Variants in ZDHHC2 observed in about 807,000 individuals in gnomAD.
ZDHHC2 encodes the protein zDHHC palmitoyltransferase 2, also known as palmitoyltransferase ZDHHC2.
ZDHHC2 carries 51 observed loss-of-function variants against 55.6 expected under a neutral mutation model. The observed-to-expected ratio is 0.92, with a 90% CI of 0.73 to 1.16. The LOEUF (loss-of-function observed/expected upper bound fraction) is 1.16. Ranked by LOEUF, ZDHHC2 falls within the 50% of genes most tolerant of loss-of-function variation. The pLI, the probability that ZDHHC2 is intolerant of heterozygous loss-of-function variation, is 0.00. For missense variants in ZDHHC2, 491 were observed against 442.4 expected, an observed-to-expected ratio of 1.11 and a Z score of -0.99; for synonymous variants, 199 against 152.9, an observed-to-expected ratio of 1.30 and a Z score of -2.22.
chr8:17,170,138 G>C (rs1244276654), intron 1 of ZDHHC2, among the ~76,000 whole-genome samples: 1 of 152,154 alleles, frequency 6.6e-6, no homozygotes, highest in Non-Finnish European at 1.5e-5. Flanking sequence ...AGAAGAGAAA[G>C]GCATTGTATA....
chr8:17,193,386 C>G (rs964639770), intron 3 of ZDHHC2, among the ~76,000 whole-genome samples: 1 of 152,236 alleles, frequency 6.6e-6, no homozygotes, highest in African/African-American at 2.4e-5. Context: ...TCTAAACAAA[C>G]AGAGCCTCTC....
At chr8:17,161,506 G>A (rs1250385450) in intron 1 of ZDHHC2, among the ~76,000 whole-genome samples, 2 of 152,194 alleles carry the variant, frequency 1.3e-5, no homozygotes, top group Non-Finnish European at 2.9e-5. Flanking sequence ...TGGAATGTAA[G>A]GCACATCCAT....
chr8:17,204,651 C>A (rs778896494), intron 6 of ZDHHC2, among the ~76,000 whole-genome samples: 4 of 151,882 alleles, frequency 2.6e-5, no homozygotes, highest in Admixed American at 6.6e-5. Flanking sequence ...CACACTGGGG[C>A]CTTTTGGAGG....
rs1807991295 is a variant in ZDHHC2 at position 17,223,180 on chromosome 8, T to C, written c.*2959T>C. 1 of 151,914 alleles carries C rather than the reference T, an allele frequency of 6.6e-6. No homozygotes were observed. Among genetic ancestry groups the C allele is most frequent in the Admixed American group, 6.6e-5 (1 of 15,230 alleles). 9.4% of individuals were successfully genotyped at this position (151,914 alleles called of 1,614,324 possible). A position where few individuals can be genotyped will look rare whatever the true frequency, so the allele number is the denominator to read the frequency against. ...TAAACGGGCTCGGCTGATTCTGAAA[T>C]TGTACTGTATCATTTGGTATTTACT... is the stretch of plus-strand genomic sequence containing the variant. On this transcript the variant is annotated 3_prime_UTR_variant, in exon 13 of 13. Transcript: ENST00000262096.
intron 6 of ZDHHC2, among the ~76,000 whole-genome samples, chr8:17,200,105 G>C (rs1806670847): frequency 6.6e-6 from 1 of 152,174 alleles, no homozygotes; most frequent in Non-Finnish European, 1.5e-5. Flanking sequence ...CCCTGCAGCT[G>C]CTGTCAGTGC....
At chr8:17,207,035 T>C (rs936672724) in intron 7 of ZDHHC2, among the ~76,000 whole-genome samples, 4 of 152,172 alleles carry the variant, frequency 2.6e-5, no homozygotes, top group African/African-American at 9.7e-5. Context: ...ACCTCACTGC[T>C]CCTCCTTCCT....
chr8:17,218,624 T>G (rs181619239), intron 12 of ZDHHC2, among the ~76,000 whole-genome samples: 4 of 152,248 alleles, frequency 2.6e-5, no homozygotes. Flanking sequence ...GATGGATAAG[T>G]GACAAAATTA....
At chr8:17,157,575 TG>T (rs1804125484) in intron 1 of ZDHHC2, 1 of 152,134 alleles carries the variant, frequency 6.6e-6, no homozygotes, top group Non-Finnish European at 1.5e-5. Flanking sequence ...CCTGAATTGG[TG>T]GGTAGGATAC....
intron 6 of ZDHHC2, among the ~76,000 whole-genome samples, chr8:17,199,629 C>CTTCTTCTTCCTTTA (rs1476684972): frequency 4.5e-5 from 2 of 44,902 alleles, no homozygotes. Flanking sequence ...TTCTTCCTTT[C>CTTCTTCTTCCTTTA]TTCTTCTTCT....
At chr8:17,174,751 C>G (rs1413889445) in intron 1 of ZDHHC2, among the ~76,000 whole-genome samples, 1 of 142,648 alleles carries the variant, frequency 7.0e-6, no homozygotes, top group East Asian at 2.1e-4. Context: ...GGCTTTGTTG[C>G]CCAGGCTGGA....
rs536069370 is a variant in ZDHHC2, at chr8:17,176,698, G to A, written c.131-8091G>A. On this transcript the variant is annotated intron_variant, in intron 1 of 12. Coordinates refer to ENST00000262096, the MANE Select transcript of ZDHHC2 (RefSeq NM_016353.5). The stretch of plus-strand genomic sequence containing the variant: ...CAATGTTAGCTTGGTTAAGACACAA[G>A]AAAGCCCAGAGTGACAGAAGCATCA... 3.9e-5 allele frequency among the ~76,000 whole-genome samples: 6 copies of A among 152,196 alleles called. 1 individual carries two copies. The highest frequency in any genetic ancestry group is 3.9e-4 in the Admixed American group (6 of 15,286).
intron 12 of ZDHHC2, among the ~76,000 whole-genome samples, chr8:17,219,696 C>T (rs1375548415): frequency 1.3e-5 from 2 of 152,090 alleles, no homozygotes; most frequent in Non-Finnish European, 2.9e-5. Context: ...ATGACTTGAG[C>T]CAGGGAGGCG....
At chr8:17,198,290 T>G (rs1361980711) in intron 5 of ZDHHC2, 91 bp from the exon 6 acceptor site, 1 of 1,221,070 alleles carries the variant, frequency 8.2e-7, no homozygotes, top group Non-Finnish European at 1.1e-6. Flanking sequence ...TTGCCGCAGC[T>G]GTTTGAACTA....
In ZDHHC2 at chr8:17,215,258, T is replaced by A. The variant is rs375781244; in HGVS notation, c.972T>A (p.Pro324=). The A allele has an allele frequency of 8.1e-6, 13 of 1,600,100 alleles. No individual in the cohort carries two copies. Among genetic ancestry groups the A allele is most frequent in the Non-Finnish European group, 1.0e-5 (12 of 1,173,056 alleles). ...TCAGTCTCGAAAACCATCAGTTTCC[T>A]GCAAAGCCATTGAGAGAGTCCCAGA... is the stretch of plus-strand genomic sequence containing the variant. ...TAKNLENHQF[P]AKPLRESQSH... Residue 324 remains proline (P), a synonymous_variant, in exon 11 of 13, where the codon CCT becomes CCA. Transcript: ENST00000262096.
At chr8:17,172,994 G>A (rs1804939768) in intron 1 of ZDHHC2, among the ~76,000 whole-genome samples, 1 of 152,206 alleles carries the variant, frequency 6.6e-6, no homozygotes, top group Non-Finnish European at 1.5e-5. Flanking sequence ...AATTATGTTT[G>A]CAGAGGTTTT....
chr8:17,185,502 A>G (rs1164250557), intron 2 of ZDHHC2, among the ~76,000 whole-genome samples: 1 of 151,944 alleles, frequency 6.6e-6, no homozygotes, highest in African/African-American at 2.4e-5. Context: ...ACTTAAAAAA[A>G]AAAAGAAAAA....
At chr8:17,157,123 C>T (rs1011078911) in intron 1 of ZDHHC2, among the ~76,000 whole-genome samples, 1 of 152,124 alleles carries the variant, frequency 6.6e-6, no homozygotes, top group African/African-American at 2.4e-5. Context: ...CGCTCACCGC[C>T]GCCGCCTCGG....
intron 7 of ZDHHC2, among the ~76,000 whole-genome samples, chr8:17,207,583 G>A (rs1225110309): frequency 6.6e-6 from 1 of 152,002 alleles, no homozygotes; most frequent in African/African-American, 2.4e-5. Flanking sequence ...CTATTTAAAC[G>A]TTTGTGATTC....
chr8:17,179,223 G>C (rs1007755195), intron 1 of ZDHHC2, among the ~76,000 whole-genome samples: 2 of 151,934 alleles, frequency 1.3e-5, no homozygotes, highest in African/African-American at 4.8e-5. Context: ...AAAGTGCTGG[G>C]ATTAGAGGTT....
Sources: allele counts gnomAD v4.1 joint callset (sites outside exome capture counted in the v4.1 genomes callset), GRCh38; gene constraint gnomAD v4.1.1; transcripts MANE v1.5; gene names NCBI Gene and HGNC (gene_info 2026-07-23, HGNC 2026-07-21).